The following SYNE1 variants were observed in gnomAD, a reference collection of about 807,000 sequenced individuals.
SYNE1 encodes the protein spectrin repeat containing nuclear envelope protein 1.
A neutral mutation model predicts 1,111.0 loss-of-function variants in SYNE1; 616 were observed. The ratio of observed to expected loss-of-function variants is 0.55; its 90% CI spans 0.52 to 0.59. The LOEUF is 0.59. Ranked by LOEUF, SYNE1 falls within the 20% of genes least tolerant of loss-of-function variation. The pLI, the probability that SYNE1 is intolerant of heterozygous loss-of-function variation, is 0.00. For missense variants in SYNE1, 10,006 were observed against 10,417.0 expected, an observed-to-expected ratio of 0.96 and a Z score of 1.72; for synonymous variants, 3,855 against 3,825.8, an observed-to-expected ratio of 1.01 and a Z score of -0.28.
rs1586637311 is a variant in SYNE1 at position 152,164,214 on chromosome 6, G to A, written c.23739C>T (p.Val7913=). The part of the protein sequence containing the change: ...HIESELAKPI[V]YDSCNSEEIQ... ...TTTCTTCCGAGTTACAGGAATCGTA[G>A]ACTATTGGCTTGGCCAGCTCTGACT... is the stretch of plus-strand genomic sequence containing the variant. Residue 7913 remains valine, a synonymous_variant, in exon 131 of 146, where the codon GTC becomes GTT. Coordinates refer to ENST00000367255, the MANE Select transcript of SYNE1 (RefSeq NM_182961.4). The A allele has an allele frequency of 6.2e-7, 1 of 1,614,160 alleles. No homozygotes were observed. Among genetic ancestry groups the A allele is most frequent in the South Asian group, 1.1e-5 (1 of 91,080 alleles).
chr6:152,521,053 A>G (rs75503847), intron 5 of SYNE1, among the ~76,000 whole-genome samples: 3,432 of 152,264 alleles, frequency 0.023, 152 homozygotes, highest in African/African-American at 0.078. Context: ...ACTCCAGTCT[A>G]GTGTTTGCCA....
At chr6:152,323,823 G>C in intron 81 of SYNE1, 86 bp from the exon 82 acceptor site, 1 of 1,447,932 alleles carries the variant, frequency 6.9e-7, no homozygotes, top group East Asian at 2.3e-5. Flanking sequence ...ACACACTAGT[G>C]TATGAAGCCA....
At chr6:152,537,134 T>A (rs1484751871) in intron 4 of SYNE1, among the ~76,000 whole-genome samples, 2 of 152,106 alleles carry the variant, frequency 1.3e-5, no homozygotes, top group African/African-American at 2.4e-5. Context: ...AGTGAGAAAA[T>A]TATAGGTTCA....
intron 63 of SYNE1, among the ~76,000 whole-genome samples, chr6:152,363,245 A>G (rs2154071572): frequency 1.4e-5 from 2 of 145,370 alleles, no homozygotes; most frequent in South Asian, 4.6e-4. Context: ...CTGTAATCCC[A>G]GCACTTTGGG....
rs1236146427 is a variant in SYNE1 at position 152,466,062 on chromosome 6, C to T, written c.1649G>A (p.Ser550Asn). The T allele has an allele frequency of 1.2e-6, 2 of 1,607,800 alleles. No individual in the cohort carries two copies. Among genetic ancestry groups the T allele is most frequent in the Admixed American group, 1.7e-5 (1 of 59,884 alleles). Residue 550 changes from serine to asparagine, a missense_variant, in exon 17 of 146, where the codon AGC becomes AAC. Ser to Asn is a conservative substitution (Grantham distance 46). Coordinates refer to ENST00000367255, the MANE Select transcript of SYNE1 (RefSeq NM_182961.4). ...CACCTCATATTGTTCAAAGAACTTG[C>T]TATTTTCTATAAAAGACTAGAAAAG... ...LQNYVSFIEN[S>N]KFFEQYEVTY... is the part of the protein sequence containing the mutation.
rs2095158204 is a variant in SYNE1 at position 152,301,378 on chromosome 6, G to T, written c.17541+491C>A. ...CAAAGTTGATTTATTTTAATCCAAA[G>T]CCAAGCTTTAGACGGTCTGTTTTCA... On this transcript the variant is annotated intron_variant, in intron 92 of 145. Coordinates refer to ENST00000367255, the MANE Select transcript of SYNE1 (RefSeq NM_182961.4). Among the ~76,000 whole-genome samples the T allele has an allele frequency of 1.3e-5, 2 of 152,136 alleles. 1 individual carries two copies. The highest frequency in any genetic ancestry group is 4.1e-4 in the South Asian group (2 of 4,830).
chr6:152,525,494 T>A (rs924696853), intron 5 of SYNE1, among the ~76,000 whole-genome samples: 6 of 152,230 alleles, frequency 3.9e-5, no homozygotes, highest in Non-Finnish European at 8.8e-5. Context: ...AGAGATAATT[T>A]ATTATTTGAC....
intron 95 of SYNE1, among the ~76,000 whole-genome samples, chr6:152,284,523 A>G (rs1398182136): frequency 1.3e-5 from 2 of 151,012 alleles, no homozygotes; most frequent in African/African-American, 4.9e-5. Flanking sequence ...CAGTGGTATG[A>G]TCACAGCTCA....
intron 140 of SYNE1, among the ~76,000 whole-genome samples, chr6:152,138,935 T>G (rs1585889469): frequency 6.6e-6 from 1 of 152,198 alleles, no homozygotes; most frequent in African/African-American, 2.4e-5. Context: ...TTCACCACAA[T>G]TACTCTATAG....
chr6:152,581,344 C>A (rs1026744607), intron 3 of SYNE1, among the ~76,000 whole-genome samples: 2 of 152,152 alleles, frequency 1.3e-5, no homozygotes, highest in African/African-American at 4.8e-5. Flanking sequence ...CAAATGACCT[C>A]CCAGTTACCC....
chr6:152,175,433 G>A (rs533122374), intron 130 of SYNE1, among the ~76,000 whole-genome samples: 4 of 152,192 alleles, frequency 2.6e-5, no homozygotes, highest in South Asian at 4.1e-4. Flanking sequence ...TATGCAGCAC[G>A]GCTAAGGAAA....
At chr6:152,205,672 T>C (rs1459971717) in intron 126 of SYNE1, among the ~76,000 whole-genome samples, 1 of 152,266 alleles carries the variant, frequency 6.6e-6, no homozygotes, top group Non-Finnish European at 1.5e-5. Context: ...ATGTGATCTG[T>C]ATCCAACTAA....
chr6:152,211,086 T>C (rs989458449), intron 124 of SYNE1, among the ~76,000 whole-genome samples: 3 of 152,208 alleles, frequency 2.0e-5, no homozygotes, highest in African/African-American at 7.2e-5. Flanking sequence ...GTTTTTCATC[T>C]GTAAGTAAGA....
At chr6:152,604,984 GAAAGAAAGAAAGAA>G (rs2128704665) in intron 3 of SYNE1, among the ~76,000 whole-genome samples, 1 of 22,218 alleles carries the variant, frequency 4.5e-5, no homozygotes, top group South Asian at 2.4e-3. Flanking sequence ...AAGAAAGAAA[GAAAGAAAGAAAGAA>G]AGAAAGAAAG....
chr6:152,632,234 T>C (rs2099699099), intron 2 of SYNE1, among the ~76,000 whole-genome samples: 1 of 152,206 alleles, frequency 6.6e-6, no homozygotes, highest in Non-Finnish European at 1.5e-5. Context: ...ATATATATTT[T>C]TTGTTTCATT....
Position 152,387,209 on chromosome 6 carries a change from C to A in SYNE1, c.8350G>T (p.Glu2784Ter). Reference protein sequence around the residue: ...DHLQSILSEAEDHTRALHRLI... With the variant: ...DHLQSILSEA ...CGGTGAAGGGCTCTCGTGTGATCTTCTGCCTCAGACAGGATGGACTGGAGG... is the reference window on the plus strand; with the variant it reads ...CGGTGAAGGGCTCTCGTGTGATCTTATGCCTCAGACAGGATGGACTGGAGG... Residue 2784 changes from glutamate (E) to a stop codon, truncating the protein, a stop_gained, in exon 54 of 146, where the codon GAA becomes TAA. Transcript: ENST00000367255. LOFTEE classifies it high-confidence loss of function. 1 of 1,614,178 alleles carries A rather than the reference C, an allele frequency of 6.2e-7. No homozygotes were observed. Among genetic ancestry groups the A allele is most frequent in the Non-Finnish European group, 8.5e-7 (1 of 1,180,030 alleles).
intron 3 of SYNE1, among the ~76,000 whole-genome samples, chr6:152,576,368 A>T (rs2099496562): frequency 6.6e-6 from 1 of 152,170 alleles, no homozygotes; most frequent in Admixed American, 6.5e-5. Context: ...ATGTATTTAG[A>T]CAGTGTTAGG....
At chr6:152,511,370 C>T (rs559651728) in intron 6 of SYNE1, among the ~76,000 whole-genome samples, 7 of 152,108 alleles carry the variant, frequency 4.6e-5, no homozygotes, top group Non-Finnish European at 8.8e-5. Flanking sequence ...ATATAACATG[C>T]AGGCAATTAC....
At position 152,329,768 on chromosome 6, in the gene SYNE1, G is replaced by A. The variant is rs35085679; in HGVS notation, c.14917C>T (p.Leu4973=). The A allele has an allele frequency of 0.041, 65,633 of 1,614,170 alleles. 1,480 individuals are homozygous for A. Among genetic ancestry groups the A allele is most frequent in the Non-Finnish European group, 0.044 (52,366 of 1,180,018 alleles). The part of the protein sequence containing the change: ...LEHSLAELSE[L]DGDIQEALRT... ...AAGGCTTCCTGGATGTCTCCATCCA[G>A]CTCTGAGAGCTCAGCGAGGCTGTGT... The change falls in exon 78 of 146, where the codon CTG becomes TTG. Residue 4973 remains leucine, a synonymous_variant. Transcript: ENST00000367255.
Sources: allele counts gnomAD v4.1 joint callset (sites outside exome capture counted in the v4.1 genomes callset), GRCh38; gene constraint gnomAD v4.1.1; transcripts MANE v1.5; gene names NCBI Gene and HGNC (gene_info 2026-07-23, HGNC 2026-07-21).